The following LY6L variants were observed in gnomAD, a reference collection of about 807,000 sequenced individuals.
The protein encoded by LY6L is lymphocyte antigen 6 family member L.
In LY6L, 8 loss-of-function variants were observed where a neutral mutation model predicts 8.3. The observed-to-expected ratio is 0.97, with a 90% CI of 0.57 to 1.74. The LOEUF (loss-of-function observed/expected upper bound fraction) is 1.74. Ranked by LOEUF, LY6L falls within the 40% of genes most tolerant of loss-of-function variation. The pLI, the probability that LY6L is intolerant of heterozygous loss-of-function variation, is 0.00. For synonymous variants in LY6L, 79 were observed against 77.9 expected (o/e 1.01, Z -0.07); for missense variants, 156 against 183.8 (o/e 0.85, Z 0.87).
rs1227706731 is a variant in LY6L at position 143,082,414 on chromosome 8, C to T, written c.191-11C>T. 8.5e-6 allele frequency: 13 copies of T among 1,522,832 alleles called. No homozygotes were observed. Among genetic ancestry groups the T allele is most frequent in the Non-Finnish European group, 1.1e-5 (12 of 1,136,222 alleles). The allele number at this position is 1,522,832 out of a possible 1,614,324, so 94.3% of individuals were successfully genotyped here. On this transcript the variant is annotated splice_polypyrimidine_tract_variant and intron_variant, in intron 3 of 3. Transcript: ENST00000562505. ...GGCTCTGGGGCCACCTGCCTCTCCT[C>T]TTTTCTGCAGAATGGAGTGTACGCG... is the stretch of plus-strand genomic sequence containing the variant.
intron 1 of LY6L, 106 bp downstream of exon 1, chr8:143,080,765 A>C: frequency 2.4e-6 from 1 of 422,412 alleles, no homozygotes. Context: ...GACCAAAGGC[A>C]GAGGGCCCAG....
rs753074706 is a variant in LY6L, at chr8:143,082,668, C to T, written c.*17C>T. 3 of 1,450,448 alleles carry T rather than the reference C, an allele frequency of 2.1e-6. No homozygotes were observed. The highest frequency in any genetic ancestry group is 1.8e-6 in the Non-Finnish European group (2 of 1,101,752). The allele number at this position is 1,450,448 out of a possible 1,614,324, so 89.8% of individuals were successfully genotyped here. Reference sequence around the variant, plus strand: ...CTGTTGTGAGGGCCCTCCCTTTACGCCCCCTCCTGGCCCTGCTGGCCCATC... The same window carrying T: ...CTGTTGTGAGGGCCCTCCCTTTACGTCCCCTCCTGGCCCTGCTGGCCCATC... On this transcript the variant is annotated 3_prime_UTR_variant, in exon 4 of 4. Coordinates refer to ENST00000562505, the MANE Select transcript of LY6L (RefSeq NM_001368160.2).
In LY6L at chr8:143,082,888, T is replaced by A. The variant is rs1586644781; in HGVS notation, c.*237T>A. 2.0e-6 allele frequency: 1 copy of A among 499,826 alleles called. No individual in the cohort carries two copies. The allele number at this position is 499,826 out of a possible 1,614,324, so 31.0% of individuals were successfully genotyped here. ...AACTGCTCCTCCTGGGGAAGGACAGTGCCTCTGATGTGGGTGATGGGAAGG... is the reference window on the plus strand; with the variant it reads ...AACTGCTCCTCCTGGGGAAGGACAGAGCCTCTGATGTGGGTGATGGGAAGG... On this transcript the variant is annotated 3_prime_UTR_variant, in exon 4 of 4. Coordinates refer to ENST00000562505, the MANE Select transcript of LY6L (RefSeq NM_001368160.2).
intron 3 of LY6L, among the ~76,000 whole-genome samples, 161 bp downstream of exon 3, chr8:143,081,488 G>A (rs1467594166): frequency 6.6e-6 from 1 of 152,248 alleles, no homozygotes; most frequent in African/African-American, 2.4e-5. Flanking sequence ...GCTCGGGCGA[G>A]CATCCCAGAG....
Position 143,082,704 on chromosome 8 carries a change from C to A in LY6L, c.*53C>A. ...CCCTGCTGGCCCATCCCGTCTCCTGCCTCCAACTGCCATCCTGCCTCCGCC... is the reference window on the plus strand; with the variant it reads ...CCCTGCTGGCCCATCCCGTCTCCTGACTCCAACTGCCATCCTGCCTCCGCC... On this transcript the variant is annotated 3_prime_UTR_variant, in exon 4 of 4. Transcript: ENST00000562505. 1.5e-6 allele frequency: 2 copies of A among 1,325,366 alleles called. No homozygotes were observed. The highest frequency in any genetic ancestry group is 2.0e-6 in the Non-Finnish European group (2 of 1,001,366). The allele number at this position is 1,325,366 out of a possible 1,614,324, so 82.1% of individuals were successfully genotyped here. A position where few individuals can be genotyped will look rare whatever the true frequency, so the allele number is the denominator to read the frequency against.
At chr8:143,080,774 A>T (rs376154560) in intron 1 of LY6L, 115 bp downstream of exon 1, 23 of 448,686 alleles carry the variant, frequency 5.1e-5, no homozygotes, top group East Asian at 2.2e-4. Context: ...CAGAGGGCCC[A>T]GGGAGAGGGA....
intron 3 of LY6L, 91 bp from the exon 4 acceptor site, chr8:143,082,334 T>C: frequency 1.1e-6 from 1 of 935,078 alleles, no homozygotes; most frequent in South Asian, 1.6e-5. Context: ...TCCCGGCTGC[T>C]CCTTTGGAAA....
intron 3 of LY6L, among the ~76,000 whole-genome samples, 200 bp from the exon 4 acceptor site, chr8:143,082,225 G>T (rs1820442280): frequency 6.6e-6 from 1 of 152,242 alleles, no homozygotes; most frequent in Non-Finnish European, 1.5e-5. Context: ...GGGCAGCCAG[G>T]ATCCCCAGCT....
rs904017674 is a variant in LY6L, at chr8:143,082,306, T to G, written c.191-119T>G. 7 of 694,836 alleles carry G rather than the reference T, an allele frequency of 1.0e-5. No individual in the cohort carries two copies. In the African/African-American group the frequency reaches 1.1e-4, roughly 11 times the overall value. The allele number at this position is 694,836 out of a possible 1,614,324, so 43.0% of individuals were successfully genotyped here. On this transcript the variant is annotated intron_variant, in intron 3 of 3. Coordinates refer to ENST00000562505, the MANE Select transcript of LY6L (RefSeq NM_001368160.2). Reference sequence around the variant, plus strand: ...GCTGTCCTCGCAGGGCCAGGTTACGTGCTCTAGCTCTTTCTGGTCCCGGCT... The same window carrying G: ...GCTGTCCTCGCAGGGCCAGGTTACGGGCTCTAGCTCTTTCTGGTCCCGGCT...
Position 143,082,606 on chromosome 8 carries a change from G to C in LY6L, c.372G>C (p.Gly124=), listed in dbSNP as rs1481821860. 6.6e-7 allele frequency: 1 copy of C among 1,523,912 alleles called. No individual in the cohort carries two copies. Among genetic ancestry groups the C allele is most frequent in the Admixed American group, 2.0e-5 (1 of 50,606 alleles). The allele number at this position is 1,523,912 out of a possible 1,614,324, so 94.4% of individuals were successfully genotyped here. A position where few individuals can be genotyped will look rare whatever the true frequency, so the allele number is the denominator to read the frequency against. Residue 124 remains glycine, a synonymous_variant, in exon 4 of 4, where the codon GGG becomes GGC. Transcript: ENST00000562505. ...PQEGRWALRG[G]LLLQVGLSLL... is the part of the protein sequence containing the mutation. ...AGGGGCGCTGGGCCCTGCGAGGGGGGCTCCTGCTCCAGGTGGGCCTCAGCC... is the reference window on the plus strand; with the variant it reads ...AGGGGCGCTGGGCCCTGCGAGGGGGCCTCCTGCTCCAGGTGGGCCTCAGCC...
At chr8:143,080,790 G>C (rs1820413819) in intron 1 of LY6L, 131 bp downstream of exon 1, 1 of 469,606 alleles carries the variant, frequency 2.1e-6, no homozygotes, top group African/African-American at 2.0e-5. Flanking sequence ...AGGGAATGCG[G>C]GGAAGGGAGG....
chr8:143,081,138 C>A lies in LY6L; in HGVS notation c.73+12C>A. 1 of 1,533,418 alleles carries A rather than the reference C, an allele frequency of 6.5e-7. No individual in the cohort carries two copies. Among genetic ancestry groups the A allele is most frequent in the South Asian group, 1.2e-5 (1 of 83,934 alleles). 95.0% of individuals were successfully genotyped at this position (1,533,418 alleles called of 1,614,324 possible). A position where few individuals can be genotyped will look rare whatever the true frequency, so the allele number is the denominator to read the frequency against. The stretch of plus-strand genomic sequence containing the variant: ...CGCCACGACGCCAGGTAAGGCGCGG[C>A]CCGGGCTGGGCTGGGGGCGTCGGGG... On this transcript the variant is annotated intron_variant, in intron 2 of 3. Transcript: ENST00000562505.
At position 143,082,740 on chromosome 8, in the gene LY6L, C is replaced by T. The variant is rs1820453789; in HGVS notation, c.*89C>T. On this transcript the variant is annotated 3_prime_UTR_variant, in exon 4 of 4. Transcript: ENST00000562505. ...CATCCTGCCTCCGCCCCTTCCAGGA[C>T]ACTGGGGGGGGACCCTCCCTCTCTG... The T allele has an allele frequency of 4.6e-6, 5 of 1,079,272 alleles. No homozygotes were observed. 66.9% of individuals were successfully genotyped at this position (1,079,272 alleles called of 1,614,324 possible). A position where few individuals can be genotyped will look rare whatever the true frequency, so the allele number is the denominator to read the frequency against.
rs551568102 is a variant in LY6L at position 143,082,363 on chromosome 8, C to A, written c.191-62C>A. 1.5e-4 allele frequency: 182 copies of A among 1,240,242 alleles called. 1 individual carries two copies. In the African/African-American group the frequency reaches 2.0e-3, roughly 14 times the overall value. 76.8% of individuals were successfully genotyped at this position (1,240,242 alleles called of 1,614,324 possible). A position where few individuals can be genotyped will look rare whatever the true frequency, so the allele number is the denominator to read the frequency against. On this transcript the variant is annotated intron_variant, in intron 3 of 3. Transcript: ENST00000562505. ...TTGGAAAGCATCCTTGCACTTTCCG[C>A]ATAACTGTGGATACCTCCTTGCTGG...
rs57170494 is a variant in LY6L at position 143,082,673 on chromosome 8, T to C, written c.*22T>C. Reference sequence around the variant, plus strand: ...GTGAGGGCCCTCCCTTTACGCCCCCTCCTGGCCCTGCTGGCCCATCCCGTC... The same window carrying C: ...GTGAGGGCCCTCCCTTTACGCCCCCCCCTGGCCCTGCTGGCCCATCCCGTC... On this transcript the variant is annotated 3_prime_UTR_variant, in exon 4 of 4. Coordinates refer to ENST00000562505, the MANE Select transcript of LY6L (RefSeq NM_001368160.2). 0.013 allele frequency: 19,396 copies of C among 1,439,386 alleles called. 674 individuals carry two copies. The highest frequency in any genetic ancestry group is 0.1 in the African/African-American group (7,347 of 70,106). 89.2% of individuals were successfully genotyped at this position (1,439,386 alleles called of 1,614,324 possible).
chr8:143,080,806 G>C, intron 1 of LY6L, 147 bp downstream of exon 1: 1 of 487,858 alleles, frequency 2.0e-6, no homozygotes, highest in Non-Finnish European at 3.6e-6. Context: ...GGAGGAGAGC[G>C]AGCGTCGGGA....
In LY6L at chr8:143,081,132, G is replaced by A. The variant is rs902780388; in HGVS notation, c.73+6G>A. The A allele has an allele frequency of 1.0e-5, 16 of 1,534,244 alleles. No homozygotes were observed. The highest frequency in any genetic ancestry group is 1.4e-5 in the African/African-American group (1 of 73,014). On this transcript the variant is annotated splice_donor_region_variant and intron_variant, in intron 2 of 3. Coordinates refer to ENST00000562505, the MANE Select transcript of LY6L (RefSeq NM_001368160.2). ...TGGCTGCGCCACGACGCCAGGTAAG[G>A]CGCGGCCCGGGCTGGGCTGGGGGCG...
At position 143,081,028 on chromosome 8, in the gene LY6L, C is replaced by G. The variant is rs1260592994; in HGVS notation, c.-18-8C>G. 1.3e-6 allele frequency: 2 copies of G among 1,525,128 alleles called. No homozygotes were observed. 94.5% of individuals were successfully genotyped at this position (1,525,128 alleles called of 1,614,324 possible). On this transcript the variant is annotated splice_polypyrimidine_tract_variant and splice_region_variant and intron_variant, in intron 1 of 3. Coordinates refer to ENST00000562505, the MANE Select transcript of LY6L (RefSeq NM_001368160.2). Reference sequence around the variant, plus strand: ...AGCCTCCCGCAACACCCACCTCACCCCACTCAGGCTGAGCCTTCTGGCGTC... The same window carrying G: ...AGCCTCCCGCAACACCCACCTCACCGCACTCAGGCTGAGCCTTCTGGCGTC...
Position 143,082,879 on chromosome 8 carries a change from G to A in LY6L, c.*228G>A. On this transcript the variant is annotated 3_prime_UTR_variant, in exon 4 of 4. Transcript: ENST00000562505. ...GGATTCAGCAACTGCTCCTCCTGGG[G>A]AAGGACAGTGCCTCTGATGTGGGTG... 1.9e-6 allele frequency: 1 copy of A among 515,466 alleles called. No homozygotes were observed. The highest frequency in any genetic ancestry group is 3.4e-6 in the Non-Finnish European group (1 of 291,202). The allele number at this position is 515,466 out of a possible 1,614,324, so 31.9% of individuals were successfully genotyped here.
Sources: gnomAD v4.1 joint callset for allele counts (sites outside exome capture counted in the v4.1 genomes callset) on GRCh38, gnomAD v4.1.1 for gene constraint, MANE v1.5 for transcripts, NCBI Gene and HGNC (gene_info 2026-07-23, HGNC 2026-07-21) for gene names.